Variants in NRG1 observed in about 807,000 individuals in gnomAD.
NRG1 encodes the protein pro-neuregulin-1, membrane-bound isoform.
In NRG1, 18 loss-of-function variants were observed where a neutral mutation model predicts 63.8. That is an observed-to-expected ratio of 0.28 (90% CI 0.19 to 0.42). The LOEUF is 0.42. NRG1 is among the 10% of genes least tolerant of loss of function. NRG1 has a pLI of 1.00. For synonymous variants in NRG1, 302 were observed against 301.3 expected, an observed-to-expected ratio of 1.00 and a Z score of -0.02; for missense variants, 762 against 814.7, an observed-to-expected ratio of 0.94 and a Z score of 0.79.
At chr8:31,795,584 C>T (rs1388531409) in intron 1 of NRG1, among the ~76,000 whole-genome samples, 1 of 152,174 alleles carries the variant, frequency 6.6e-6, no homozygotes, top group Non-Finnish European at 1.5e-5. Context: ...ATTTTAAAAA[C>T]TGGCTTTGGT....
At chr8:32,687,875 A>G (rs1363358239) in intron 5 of NRG1, among the ~76,000 whole-genome samples, 6 of 152,192 alleles carry the variant, frequency 3.9e-5, no homozygotes. Flanking sequence ...GCTGATGCCT[A>G]TAATCCCAGC....
chr8:31,995,223 C>T (rs978749128), intron 1 of NRG1, among the ~76,000 whole-genome samples: 1 of 151,892 alleles, frequency 6.6e-6, no homozygotes, highest in Non-Finnish European at 1.5e-5. Context: ...CTCCCCTCTG[C>T]CCTTTACTCT....
intron 1 of NRG1, among the ~76,000 whole-genome samples, chr8:32,562,336 C>T (rs1255336434): frequency 6.6e-6 from 1 of 152,090 alleles, no homozygotes; most frequent in Admixed American, 6.5e-5. Flanking sequence ...TAGCCTGGGA[C>T]TCCTGGGCTC....
chr8:32,659,603 A>C (rs577144516), intron 5 of NRG1, among the ~76,000 whole-genome samples: 2 of 151,998 alleles, frequency 1.3e-5, no homozygotes, highest in African/African-American at 4.8e-5. Context: ...TTTTATTTTC[A>C]TTTCTTGAGG....
intron 1 of NRG1, among the ~76,000 whole-genome samples, chr8:32,107,973 CTGA>C (rs1345140125): frequency 6.6e-6 from 1 of 152,224 alleles, no homozygotes; most frequent in East Asian, 1.9e-4. Flanking sequence ...GTAAAAGCTT[CTGA>C]TAGAGATTGA....
chr8:32,279,515 G>A (rs1167018354), intron 1 of NRG1, among the ~76,000 whole-genome samples: 1 of 152,104 alleles, frequency 6.6e-6, no homozygotes, highest in Non-Finnish European at 1.5e-5. Context: ...ACCACATCCA[G>A]CTGATTTTTA....
At chr8:32,052,598 T>G (rs553049639) in intron 1 of NRG1, among the ~76,000 whole-genome samples, 2 of 152,310 alleles carry the variant, frequency 1.3e-5, no homozygotes, top group East Asian at 3.9e-4. Flanking sequence ...GAGTTTATAT[T>G]TTAGCAAGCT....
At chr8:32,423,717 T>C (rs1816983468) in intron 1 of NRG1, among the ~76,000 whole-genome samples, 1 of 152,134 alleles carries the variant, frequency 6.6e-6, no homozygotes, top group Non-Finnish European at 1.5e-5. Flanking sequence ...ACCCACTACC[T>C]AACCCACATA....
At chr8:32,341,288 C>A (rs1471818019) in intron 1 of NRG1, among the ~76,000 whole-genome samples, 1 of 152,190 alleles carries the variant, frequency 6.6e-6, no homozygotes, top group Non-Finnish European at 1.5e-5. Context: ...ATACTTCTTT[C>A]AGAATAATTA....
At chr8:32,763,999 A>T (rs768358593) in exon 12 of NRG1, 2 of 1,613,950 alleles carry the variant, frequency 1.2e-6, no homozygotes, top group African/African-American at 2.7e-5. Context: ...AACCCCGCGC[A>T]TGACAGTAAC....
Position 31,781,831 on chromosome 8 carries a change from C to CA in NRG1, c.37+142410dup, listed in dbSNP as rs369256102. 2.1e-3 allele frequency among the ~76,000 whole-genome samples: 300 copies of CA among 144,684 alleles called. 1 individual carries two copies. Among genetic ancestry groups the CA allele is most frequent in the African/African-American group, 4.0e-3 (160 of 39,560 alleles). The allele number at this position is 144,684 out of a possible 152,430, so 94.9% of individuals were successfully genotyped here. Reference sequence around the variant, plus strand: ...AACTCTATATTTTAAGTCTAAATTCCAAAAAAAAAAGGAAGAGTAAAGAAT... The same window carrying CA: ...AACTCTATATTTTAAGTCTAAATTCCAAAAAAAAAAAGGAAGAGTAAAGAAT... On this transcript the variant is annotated intron_variant, in intron 1 of 10. Coordinates refer to the NRG1 transcript ENST00000519301.
At chr8:32,437,483 C>A (rs993909538) in intron 1 of NRG1, among the ~76,000 whole-genome samples, 1 of 152,166 alleles carries the variant, frequency 6.6e-6, no homozygotes, top group Non-Finnish European at 1.5e-5. Context: ...TGAAGCCTGG[C>A]TCTATGATCA....
chr8:31,761,122 A>G (rs1455304904), intron 1 of NRG1, among the ~76,000 whole-genome samples: 2 of 152,226 alleles, frequency 1.3e-5, no homozygotes, highest in Non-Finnish European at 2.9e-5. Flanking sequence ...CTATGCAGCC[A>G]TAAAAAATGA....
chr8:32,046,766 G>A (rs531336716), intron 1 of NRG1, among the ~76,000 whole-genome samples: 1 of 152,142 alleles, frequency 6.6e-6, no homozygotes, highest in East Asian at 1.9e-4. Context: ...GCCAGGGGTT[G>A]GGGTGGGGGA....
chr8:32,580,020 C>T (rs766360971), intron 1 of NRG1, among the ~76,000 whole-genome samples: 4 of 152,062 alleles, frequency 2.6e-5, no homozygotes, highest in Admixed American at 6.6e-5. Context: ...AGATTCACAC[C>T]GTTAGATTGG....
chr8:32,153,266 G>C (rs1837703915), intron 1 of NRG1, among the ~76,000 whole-genome samples: 1 of 152,166 alleles, frequency 6.6e-6, no homozygotes, highest in South Asian at 2.1e-4. Flanking sequence ...AGCAATCCCA[G>C]GAGGTCCATA....
At chr8:31,954,102 G>C (rs558753557) in intron 1 of NRG1, among the ~76,000 whole-genome samples, 1 of 152,210 alleles carries the variant, frequency 6.6e-6, no homozygotes, top group African/African-American at 2.4e-5. Context: ...CATAAAATTT[G>C]TTTGACAGAC....
chr8:32,200,575 A>G (rs1024527789), intron 1 of NRG1, among the ~76,000 whole-genome samples: 2 of 152,176 alleles, frequency 1.3e-5, no homozygotes, highest in Non-Finnish European at 2.9e-5. Context: ...GTATTTGAGA[A>G]CAAGGCATTG....
At chr8:32,299,606 A>C (rs1855352911) in intron 1 of NRG1, among the ~76,000 whole-genome samples, 1 of 152,160 alleles carries the variant, frequency 6.6e-6, no homozygotes, top group Non-Finnish European at 1.5e-5. Context: ...CATACCCAAG[A>C]CTGGGCAATT....
Sources: gnomAD v4.1 joint callset for allele counts (sites outside exome capture counted in the v4.1 genomes callset) on GRCh38, gnomAD v4.1.1 for gene constraint, MANE v1.5 for transcripts, NCBI Gene and HGNC (gene_info 2026-07-23, HGNC 2026-07-21) for gene names.